Variants in GGT7 observed in about 807,000 individuals in gnomAD.
GGT7 encodes glutathione hydrolase 7.
GGT7 carries 30 observed loss-of-function variants against 69.2 expected under a neutral mutation model. The ratio of observed to expected loss-of-function variants is 0.43; its 90% confidence interval spans 0.32 to 0.59. The LOEUF (loss-of-function observed/expected upper bound fraction) is 0.59, where lower values mean the gene tolerates loss of function less well. GGT7 is among the 20% of genes least tolerant of loss of function. The probability of loss-of-function intolerance (pLI) is 0.05; values close to 1 mark genes in which losing one functional copy is unlikely to be tolerated. For missense variants in GGT7, 733 were observed against 901.1 expected (o/e 0.81, Z 2.39); for synonymous variants, 388 against 391.8 (o/e 0.99, Z 0.12).
In GGT7 at chr20:34,872,717, G is replaced by C; in HGVS notation, c.99C>G (p.Asp33Glu). Residue 33 changes from aspartate to glutamate, a missense_variant, in exon 1 of 15, where the codon GAC (aspartate) becomes GAG (glutamate). Coordinates refer to ENST00000336431, the MANE Select transcript of GGT7 (RefSeq NM_178026.3). ...SITSFPRLPE[D>E]EPAPAAPLRG... is the part of the protein sequence containing the mutation. Reference sequence around the variant, plus strand: ...TCAGCGGGGCCGCGGGCGCCGGCTCGTCCTCGGGCAGCCGCGGGAAGCTGG... The same window carrying C: ...TCAGCGGGGCCGCGGGCGCCGGCTCCTCCTCGGGCAGCCGCGGGAAGCTGG... 4.0e-6 allele frequency: 6 copies of C among 1,489,176 alleles called. No individual in the cohort carries two copies. Among genetic ancestry groups the C allele is most frequent in the Non-Finnish European group, 5.3e-6 (6 of 1,123,430 alleles). 92.2% of individuals were successfully genotyped at this position (1,489,176 alleles called of 1,614,324 possible). A position where few individuals can be genotyped will look rare whatever the true frequency, so the allele number is the denominator to read the frequency against.
rs760437313 is a variant in GGT7, at chr20:34,854,589, T to C, written c.1261A>G (p.Arg421Gly). 2 of 1,613,440 alleles carry C rather than the reference T, an allele frequency of 1.2e-6. No individual in the cohort carries two copies. The highest frequency in any genetic ancestry group is 2.7e-5 in the African/African-American group (2 of 75,040). The change falls in exon 10 of 15, where the codon AGA becomes GGA. Residue 421 changes from arginine (R) to glycine (G), a missense_variant. Physicochemically the swap from Arg to Gly is moderately radical, Grantham distance 125. Coordinates refer to ENST00000336431, the MANE Select transcript of GGT7 (RefSeq NM_178026.3). Reference protein sequence around the residue: ...TLKIALALASRLGDPVYDSTI... With the variant: ...TLKIALALASGLGDPVYDSTI... ...GAATCATAGACGGGATCTCCCAGTCTGCTGGCCAGGGCTAATGCAATCTTC... is the reference window on the plus strand; with the variant it reads ...GAATCATAGACGGGATCTCCCAGTCCGCTGGCCAGGGCTAATGCAATCTTC...
chr20:34,861,237 G>A (rs2079589680), intron 4 of GGT7: 2 of 384,414 alleles, frequency 5.2e-6, no homozygotes. Flanking sequence ...GTGCCAGATA[G>A]GTAAGATTCC....
chr20:34,846,607 G>A (rs936642538), intron 14 of GGT7, among the ~76,000 whole-genome samples: 1 of 152,064 alleles, frequency 6.6e-6, no homozygotes, highest in Non-Finnish European at 1.5e-5. Flanking sequence ...ACCGCGCCTG[G>A]CCCCCTGCCT....
intron 10 of GGT7, among the ~76,000 whole-genome samples, 163 bp from the exon 11 acceptor site, chr20:34,852,701 C>T (rs1467222430): frequency 1.3e-5 from 2 of 152,198 alleles, no homozygotes. Context: ...ATAAGAAATA[C>T]CCAGAAAATA....
rs765031701 is a variant in GGT7 at position 34,859,599 on chromosome 20, C to T, written c.858G>A (p.Glu286=). The change falls in exon 7 of 15, where the codon GAG becomes GAA. Residue 286 remains glutamate (E), a synonymous_variant. Coordinates refer to ENST00000336431, the MANE Select transcript of GGT7 (RefSeq NM_178026.3). ...ATGGCAGGAACGTCTCCCGGAAGCG[C>T]TCGGACATGTTGGGTGGCAGCTGTT... is the stretch of plus-strand genomic sequence containing the variant. ...LAEQLPPNMS[E]RFRETFLPSG... 5 of 1,602,312 alleles carry T rather than the reference C, an allele frequency of 3.1e-6. No individual in the cohort carries two copies. Among genetic ancestry groups the T allele is most frequent in the Non-Finnish European group, 3.4e-6 (4 of 1,174,484 alleles).
intron 14 of GGT7, among the ~76,000 whole-genome samples, chr20:34,847,693 ATATC>A (rs1364017668): frequency 6.6e-6 from 1 of 152,226 alleles, no homozygotes. Context: ...AAAACTACAC[ATATC>A]TATTTGTATA....
At chr20:34,850,100 G>T in intron 13 of GGT7, 40 bp from the exon 14 acceptor site, 1 of 1,343,022 alleles carries the variant, frequency 7.4e-7, no homozygotes, top group South Asian at 1.2e-5. Flanking sequence ...GGCTGTCCCA[G>T]GGGTGATGGT....
At chr20:34,859,351 G>T (rs2079543825) in intron 7 of GGT7, 92 bp downstream of exon 7, 4 of 883,122 alleles carry the variant, frequency 4.5e-6, no homozygotes, top group Non-Finnish European at 6.8e-6. Flanking sequence ...AGAAAGGGAG[G>T]GAGGGAGGGA....
At chr20:34,860,112 G>GGGGGGGGGGGGGGA (rs2079565227) in intron 5 of GGT7, 70 bp from the exon 6 acceptor site, 1 of 863,524 alleles carries the variant, frequency 1.2e-6, no homozygotes, top group Non-Finnish European at 1.9e-6. Flanking sequence ...GGGGAGGGGG[G>GGGGGGGGGGGGGGA]TTCCTGGGAA....
chr20:34,848,568 A>G (rs984466784), intron 14 of GGT7, among the ~76,000 whole-genome samples: 9 of 152,244 alleles, frequency 5.9e-5, no homozygotes, highest in African/African-American at 1.7e-4. Context: ...CTTGTCATCT[A>G]TCAGCTGGGA....
intron 7 of GGT7, among the ~76,000 whole-genome samples, chr20:34,858,164 A>C (rs2146907578): frequency 6.6e-6 from 1 of 152,328 alleles, no homozygotes; most frequent in Non-Finnish European, 1.5e-5. Flanking sequence ...TGCTGGAACT[A>C]CTGGGAAGGA....
chr20:34,853,458 A>G (rs1294368031), intron 10 of GGT7, among the ~76,000 whole-genome samples: 1 of 150,888 alleles, frequency 6.6e-6, no homozygotes, highest in Non-Finnish European at 1.5e-5. Context: ...CTGAGGCGGG[A>G]GGCTGAAGCA....
chr20:34,861,217 T>C, intron 4 of GGT7: 1 of 365,788 alleles, frequency 2.7e-6, no homozygotes. Flanking sequence ...CCTTTTTTCT[T>C]CCTTCCCACG....
intron 1 of GGT7, among the ~76,000 whole-genome samples, chr20:34,871,784 G>A (rs2079782932): frequency 6.6e-6 from 1 of 152,190 alleles, no homozygotes; most frequent in African/African-American, 2.4e-5. Context: ...TGACGTGCAG[G>A]GACAGAGGGA....
At chr20:34,849,661 T>C (rs976315676) in intron 14 of GGT7, among the ~76,000 whole-genome samples, 3 of 152,226 alleles carry the variant, frequency 2.0e-5, no homozygotes, top group African/African-American at 7.2e-5. Context: ...CTGGAACACG[T>C]ACGTGTTCAA....
At chr20:34,845,971 G>T (rs528036099) in intron 14 of GGT7, among the ~76,000 whole-genome samples, 1 of 151,928 alleles carries the variant, frequency 6.6e-6, no homozygotes, top group Non-Finnish European at 1.5e-5. Flanking sequence ...AAGGTAGGAG[G>T]ATCGCTTGAC....
At chr20:34,857,304 G>A (rs1274031112) in intron 7 of GGT7, among the ~76,000 whole-genome samples, 14 of 152,120 alleles carry the variant, frequency 9.2e-5, no homozygotes. Context: ...CTATGTAAAA[G>A]GAAGGTTTTC....
intron 7 of GGT7, among the ~76,000 whole-genome samples, chr20:34,857,580 C>CCTTGAGTTAT (rs1393662060): frequency 6.6e-6 from 1 of 151,898 alleles, no homozygotes; most frequent in Non-Finnish European, 1.5e-5. Context: ...TACTTGAAAC[C>CCTTGAGTTAT]CTTGAGTTAT....
Position 34,859,449 on chromosome 20 carries a change from C to T in GGT7, c.1008G>A (p.Val336=), listed in dbSNP as rs1263425584. The change falls in exon 7 of 15, where the codon GTG becomes GTA. Residue 336 remains valine (V), a synonymous_variant. Coordinates refer to ENST00000336431, the MANE Select transcript of GGT7 (RefSeq NM_178026.3). The stretch of plus-strand genomic sequence containing the variant: ...GCACAACACGAGCACTTACCTCGGC[C>T]ACCATCTCCAGTGTGAGGTTGCCAC... ...YAGGNLTLEM[V]AEAQHAGGVI... is the part of the protein sequence containing the mutation. The T allele has an allele frequency of 9.5e-6, 15 of 1,580,812 alleles. No individual in the cohort carries two copies. The highest frequency in any genetic ancestry group is 1.2e-5 in the Non-Finnish European group (14 of 1,155,976).
Sources: allele counts gnomAD v4.1 joint callset (sites outside exome capture counted in the v4.1 genomes callset), GRCh38; gene constraint gnomAD v4.1.1; transcripts MANE v1.5; gene names NCBI Gene and HGNC (gene_info 2026-07-23, HGNC 2026-07-21).